The following CIMIP5 variants were observed in gnomAD, a reference collection of about 807,000 sequenced individuals.
The protein encoded by CIMIP5 is uncharacterized protein C2orf50.
chr2:11,141,121 C>CT, the CIMIP5 span, among the ~76,000 whole-genome samples: 2,335 of 60,424 alleles, frequency 0.039, 169 homozygotes, highest in African/African-American at 0.11. Flanking sequence ...CCACAACACA[C>CT]TTTTTTTTTT....
the CIMIP5 span, chr2:11,145,143 C>T: frequency 4.6e-5 from 7 of 152,218 alleles, no homozygotes; most frequent in African/African-American, 1.2e-4. Flanking sequence ...GCCGCCATGC[C>T]TGGCTAATTT....
At chr2:11,139,097 T>G in the CIMIP5 span, among the ~76,000 whole-genome samples, 1 of 152,070 alleles carries the variant, frequency 6.6e-6, no homozygotes, top group African/African-American at 2.4e-5. Context: ...TTTGTATTTT[T>G]GGTGGAGACA....
chr2:11,135,549 G>A, the CIMIP5 span, among the ~76,000 whole-genome samples: 2 of 151,832 alleles, frequency 1.3e-5, no homozygotes, highest in African/African-American at 4.8e-5. Flanking sequence ...TCCTGCCTCA[G>A]CCTCCTGAGT....
At chr2:11,150,855 C>T in the CIMIP5 span, among the ~76,000 whole-genome samples, 1 of 151,478 alleles carries the variant, frequency 6.6e-6, no homozygotes, top group Non-Finnish European at 1.5e-5. Flanking sequence ...TTACCCTACT[C>T]AGGATCATGC....
chr2:11,133,743 C>T, the CIMIP5 span: 6 of 1,302,930 alleles, frequency 4.6e-6, no homozygotes, highest in Admixed American at 9.0e-5. Flanking sequence ...CCAGCCCAGC[C>T]CAGAGCCAGA....
chr2:11,142,363 C>T, the CIMIP5 span, among the ~76,000 whole-genome samples: 1 of 152,030 alleles, frequency 6.6e-6, no homozygotes, highest in Non-Finnish European at 1.5e-5. Flanking sequence ...TACCTGGACC[C>T]TGCCAGGTTG....
chr2:11,136,848 G>C, the CIMIP5 span, among the ~76,000 whole-genome samples: 1 of 152,242 alleles, frequency 6.6e-6, no homozygotes, highest in Admixed American at 6.5e-5. Context: ...CAATGGATCA[G>C]AAGAGGCGAG....
the CIMIP5 span, among the ~76,000 whole-genome samples, chr2:11,136,033 C>T: frequency 2.2e-3 from 338 of 152,246 alleles, 1 homozygote; most frequent in African/African-American, 7.6e-3. Context: ...GAAATTAACT[C>T]CTTATCAGAA....
At chr2:11,139,524 C>G in the CIMIP5 span, among the ~76,000 whole-genome samples, 4 of 152,320 alleles carry the variant, frequency 2.6e-5, no homozygotes, top group Non-Finnish European at 5.9e-5. Flanking sequence ...CTACCTCTCC[C>G]TAGCCTTCCT....
At chr2:11,152,445 G>T in the CIMIP5 span, among the ~76,000 whole-genome samples, 1 of 152,168 alleles carries the variant, frequency 6.6e-6, no homozygotes, top group East Asian at 1.9e-4. Flanking sequence ...GCAAGATGGG[G>T]TCAGTTAGGT....
chr2:11,140,666 G>A, the CIMIP5 span: 42 of 736,550 alleles, frequency 5.7e-5, no homozygotes, highest in African/African-American at 6.6e-4. Flanking sequence ...GATGTGCAGC[G>A]ATGAGTCAAA....
the CIMIP5 span, among the ~76,000 whole-genome samples, chr2:11,139,203 C>T: frequency 6.6e-6 from 1 of 152,292 alleles, no homozygotes; most frequent in African/African-American, 2.4e-5. Context: ...CAGGCGTGAG[C>T]CACCGCACCT....
chr2:11,148,765 C>T, the CIMIP5 span, among the ~76,000 whole-genome samples: 10 of 114,172 alleles, frequency 8.8e-5, no homozygotes, highest in African/African-American at 3.0e-4. Context: ...GATGAAGTCT[C>T]GCTCTCGTCC....
chr2:11,140,590 A>C, the CIMIP5 span: 1 of 1,431,410 alleles, frequency 7.0e-7, no homozygotes, highest in Admixed American at 1.8e-5. Context: ...CTTGCAATTG[A>C]ATATTACTCA....
At chr2:11,133,218 C>A in the CIMIP5 span, 2 of 1,280,610 alleles carry the variant, frequency 1.6e-6, no homozygotes, top group Non-Finnish European at 2.1e-6. Flanking sequence ...CCTGCCCAGG[C>A]TCTCCCGGGG....
At chr2:11,137,605 A>G in the CIMIP5 span, among the ~76,000 whole-genome samples, 1 of 151,806 alleles carries the variant, frequency 6.6e-6, no homozygotes, top group Non-Finnish European at 1.5e-5. Flanking sequence ...ATGTCTAAAG[A>G]GAAAGTAAGT....
At chr2:11,148,732 C>CTTTTTTTTTTTT in the CIMIP5 span, among the ~76,000 whole-genome samples, 1,289 of 35,444 alleles carry the variant, frequency 0.036, 93 homozygotes, top group African/African-American at 0.06. Flanking sequence ...AATGAAAACT[C>CTTTTTTTTTTTT]TTTTTTTTTT....
chr2:11,149,374 G>A, the CIMIP5 span, among the ~76,000 whole-genome samples: 2 of 151,902 alleles, frequency 1.3e-5, no homozygotes, highest in Non-Finnish European at 2.9e-5. Context: ...CCCAAATTGA[G>A]AAATATTCTG....
At chr2:11,148,976 C>T in the CIMIP5 span, among the ~76,000 whole-genome samples, 8 of 151,978 alleles carry the variant, frequency 5.3e-5, no homozygotes, top group East Asian at 9.7e-4. Context: ...GCAGGTGATC[C>T]GCCCGCCTCG....
Sources: gnomAD v4.1 joint callset for allele counts (sites outside exome capture counted in the v4.1 genomes callset) on GRCh38, gnomAD v4.1.1 for gene constraint, MANE v1.5 for transcripts, NCBI Gene and HGNC (gene_info 2026-07-23, HGNC 2026-07-21) for gene names.